UGT1A3: variants seen among roughly 807,000 people sequenced by gnomAD.
UGT1A3 encodes the protein UDP-glucuronosyltransferase 1A3.
Under a neutral mutation model 41.0 loss-of-function variants are expected in UGT1A3, and 31 were observed. The ratio of observed to expected loss-of-function variants is 0.76; its 90% confidence interval spans 0.57 to 1.02. The LOEUF (loss-of-function observed/expected upper bound fraction) is 1.02, where lower values mean the gene tolerates loss of function less well. Ranked by LOEUF, UGT1A3 falls within the 50% of genes least tolerant of loss-of-function variation. UGT1A3 has a pLI of 0.00. For missense variants in UGT1A3, 737 were observed against 671.0 expected, an observed-to-expected ratio of 1.10 and a Z score of -1.09; for synonymous variants, 262 against 257.6, an observed-to-expected ratio of 1.02 and a Z score of -0.17.
chr2:233,748,602 G>C (rs1484667450), intron 1 of UGT1A3, among the ~76,000 whole-genome samples: 1 of 151,816 alleles, frequency 6.6e-6, no homozygotes, highest in Non-Finnish European at 1.5e-5. Flanking sequence ...AGTGGAAGTA[G>C]AGCAACGAAC....
At position 233,729,457 on chromosome 2, in the gene UGT1A3, T is replaced by C; in HGVS notation, c.331T>C (p.Phe111Leu). The part of the protein sequence containing the change: ...FETEHFLKKF[F>L]RSMAMLNNMS... ...AACAGAACATTTTCTGAAGAAATTTTTCAGAAGTATGGCAATGTTGAACAA... is the reference window on the plus strand; with the variant it reads ...AACAGAACATTTTCTGAAGAAATTTCTCAGAAGTATGGCAATGTTGAACAA... Residue 111 changes from phenylalanine (F) to leucine (L), a missense_variant, in exon 1 of 5, where the codon TTC becomes CTC. By Grantham distance (22) the Phe-to-Leu change is conservative. Coordinates refer to ENST00000482026, the MANE Select transcript of UGT1A3 (RefSeq NM_019093.4). 6.2e-7 allele frequency: 1 copy of C among 1,614,120 alleles called. No homozygotes were observed. Among genetic ancestry groups the C allele is most frequent in the Non-Finnish European group, 8.5e-7 (1 of 1,179,984 alleles).
intron 1 of UGT1A3, among the ~76,000 whole-genome samples, chr2:233,764,553 G>A (rs1698592090): frequency 1.3e-5 from 2 of 152,198 alleles, no homozygotes; most frequent in South Asian, 4.1e-4. Flanking sequence ...GTGTGGGAGG[G>A]TGTGCCTGGA....
chr2:233,729,080 A>T lies in UGT1A3; in HGVS notation c.-47A>T, dbSNP rs1488435672. 6 of 1,612,076 alleles carry T rather than the reference A, an allele frequency of 3.7e-6. No homozygotes were observed. In the African/African-American group the frequency reaches 8.0e-5, roughly 22 times the overall value. On this transcript the variant is annotated 5_prime_UTR_variant, in exon 1 of 5. Transcript: ENST00000482026. Reference sequence around the variant, plus strand: ...TTAAGATGAAGAAAGCAAATGTAGCAGGCACAGCGTGGGGTGGACAGTCAG... The same window carrying T: ...TTAAGATGAAGAAAGCAAATGTAGCTGGCACAGCGTGGGGTGGACAGTCAG...
chr2:233,742,825 T>A (rs1692111244), intron 1 of UGT1A3: 1 of 153,966 alleles, frequency 6.5e-6, no homozygotes, highest in South Asian at 2.0e-4. Context: ...TTTGTAGATT[T>A]CACCACTACA....
chr2:233,754,914 A>T, intron 1 of UGT1A3: 1 of 1,353,596 alleles, frequency 7.4e-7, no homozygotes. Flanking sequence ...AATATTCTCC[A>T]GCGGGTTTCC....
At chr2:233,740,411 T>A (rs1191187066) in intron 1 of UGT1A3, among the ~76,000 whole-genome samples, 1 of 151,958 alleles carries the variant, frequency 6.6e-6, no homozygotes. Context: ...TGGGGAAGTC[T>A]CTCTACCTGT....
At chr2:233,755,683 G>C (rs1398080072) in intron 1 of UGT1A3, 1 of 157,220 alleles carries the variant, frequency 6.4e-6, no homozygotes, top group Non-Finnish European at 1.4e-5. Context: ...AGTGAGTTTA[G>C]TCTGACCGGG....
At chr2:233,744,192 A>C (rs1389532681) in intron 1 of UGT1A3, among the ~76,000 whole-genome samples, 1 of 151,842 alleles carries the variant, frequency 6.6e-6, no homozygotes, top group East Asian at 1.9e-4. Flanking sequence ...CATGGTCTCC[A>C]AAAAGGATGG....
chr2:233,758,803 T>C (rs554075465), intron 1 of UGT1A3, among the ~76,000 whole-genome samples: 1 of 152,342 alleles, frequency 6.6e-6, no homozygotes, highest in Admixed American at 6.5e-5. Context: ...TGGAATTGTA[T>C]AGTACAGCAG....
chr2:233,752,680 A>G (rs1695029756), intron 1 of UGT1A3: 1 of 152,192 alleles, frequency 6.6e-6, no homozygotes, highest in South Asian at 2.1e-4. Context: ...TGAGCCCAGA[A>G]ATTCATGTTT....
At chr2:233,759,349 A>T (rs900901642) in intron 1 of UGT1A3, among the ~76,000 whole-genome samples, 3 of 152,146 alleles carry the variant, frequency 2.0e-5, no homozygotes, top group African/African-American at 4.8e-5. Flanking sequence ...GAGCGCTGAA[A>T]ATCTCAACTA....
intron 1 of UGT1A3, among the ~76,000 whole-genome samples, chr2:233,733,415 C>T (rs778280209): frequency 6.6e-5 from 10 of 152,224 alleles, no homozygotes; most frequent in East Asian, 1.9e-4. Context: ...TTCCAGTTTT[C>T]GCCTACTCAG....
chr2:233,771,102 C>T (rs1210654201), intron 4 of UGT1A3: 9 of 152,162 alleles, frequency 5.9e-5, no homozygotes, highest in Non-Finnish European at 1.3e-4. Context: ...AGGAAGACAG[C>T]ACTAAAGCAC....
intron 1 of UGT1A3, chr2:233,743,520 G>C (rs759007678): frequency 7.3e-7 from 1 of 1,367,248 alleles, no homozygotes; most frequent in South Asian, 1.1e-5. Context: ...CTCTGCTTCT[G>C]CTTCCCCAGC....
intron 1 of UGT1A3, among the ~76,000 whole-genome samples, chr2:233,745,867 G>A (rs553219755): frequency 6.6e-6 from 1 of 151,648 alleles, no homozygotes; most frequent in African/African-American, 2.4e-5. Flanking sequence ...TGCTGACCAA[G>A]GTTCCAGAAG....
At chr2:233,743,497 A>C (rs1692318154) in intron 1 of UGT1A3, 1 of 1,367,094 alleles carries the variant, frequency 7.3e-7, no homozygotes, top group Admixed American at 1.9e-5. Context: ...GGCAGAGAAA[A>C]GGGGTGCAGA....
intron 1 of UGT1A3, among the ~76,000 whole-genome samples, chr2:233,765,636 G>A (rs1698897187): frequency 6.6e-6 from 1 of 151,630 alleles, no homozygotes; most frequent in Non-Finnish European, 1.5e-5. Context: ...GGAACTTAGA[G>A]GATAGGTCAA....
intron 1 of UGT1A3, chr2:233,747,484 GC>G: frequency 1.2e-6 from 2 of 1,608,658 alleles, no homozygotes; most frequent in Admixed American, 3.3e-5. Context: ...GAATTTGATC[GC>G]CTTGTGCTGG....
At position 233,746,588 on chromosome 2, in the gene UGT1A3, TGA is replaced by T. The variant is rs1470732385; in HGVS notation, c.867+16597_867+16598del. Among the ~76,000 whole-genome samples the T allele has an allele frequency of 2.0e-5, 3 of 151,754 alleles. 1 individual carries two copies. The highest frequency in any genetic ancestry group is 7.3e-5 in the African/African-American group (3 of 41,048). On this transcript the variant is annotated intron_variant, in intron 1 of 4. Coordinates refer to ENST00000482026, the MANE Select transcript of UGT1A3 (RefSeq NM_019093.4). ...ACCACACCCTGTAATTGCCTAGTTG[TGA>T]GTTTGTCTCTGTTCACCTGACCCCT...
Sources: gnomAD v4.1 joint callset for allele counts (sites outside exome capture counted in the v4.1 genomes callset) on GRCh38, gnomAD v4.1.1 for gene constraint, MANE v1.5 for transcripts, NCBI Gene and HGNC (gene_info 2026-07-23, HGNC 2026-07-21) for gene names.